Variants in TRIM11 observed in about 807,000 individuals in gnomAD.
TRIM11 encodes E3 ubiquitin-protein ligase TRIM11.
A neutral mutation model predicts 33.4 loss-of-function variants in TRIM11; 15 were observed. The ratio of observed to expected loss-of-function variants is 0.45; its 90% CI spans 0.30 to 0.69. The LOEUF (loss-of-function observed/expected upper bound fraction) is 0.69. Ranked by LOEUF, TRIM11 falls within the 30% of genes least tolerant of loss-of-function variation. The pLI, the probability that TRIM11 is intolerant of heterozygous loss-of-function variation, is 0.08. For missense variants in TRIM11, 499 were observed against 667.6 expected (o/e 0.75, Z 2.78); for synonymous variants, 281 against 302.6 (o/e 0.93, Z 0.74).
At chr1:228,402,326 G>T in intron 1 of TRIM11, 165 bp from the exon 2 acceptor site, 1 of 533,336 alleles carries the variant, frequency 1.9e-6, no homozygotes, top group East Asian at 3.4e-5. Context: ...AGCCCTCATG[G>T]TAGGTGGGCA....
In TRIM11 at chr1:228,395,173, G is replaced by C. The variant is rs772673498; in HGVS notation, c.939C>G (p.Asp313Glu). ...GGCTGTCCGGCAGGGCCTGCCGTAG[G>C]TCCCCCCGCTGCACGCTCCGCCTGT... ...SEDRRSVQRG[D>E]LRQALPDSPE... Residue 313 changes from aspartate to glutamate, a missense_variant, in exon 6 of 6, where the codon GAC becomes GAG. By Grantham distance (45) the Asp-to-Glu change is conservative. Transcript: ENST00000284551. The surrounding 1 kb of genome is among the most constrained non-coding windows in gnomAD (Gnocchi z 4.8). 6.6e-7 allele frequency: 1 copy of C among 1,521,780 alleles called. No homozygotes were observed. The highest frequency in any genetic ancestry group is 8.8e-7 in the Non-Finnish European group (1 of 1,141,422). 94.3% of individuals were successfully genotyped at this position (1,521,780 alleles called of 1,614,324 possible). A position where few individuals can be genotyped will look rare whatever the true frequency, so the allele number is the denominator to read the frequency against.
At chr1:228,399,879 C>CA (rs55896989) in intron 3 of TRIM11, among the ~76,000 whole-genome samples, 98,999 of 115,712 alleles carry the variant, frequency 0.86, 42,886 homozygotes, top group South Asian at 0.97. Context: ...CTTAAATCTA[C>CA]AAAAAAAAAA....
chr1:228,394,904 C>A lies in TRIM11; in HGVS notation c.1208G>T (p.Arg403Leu), dbSNP rs765073440. ...CTCGTAGTCCAGAAAGATCCCCACG[C>A]GCCTGGGTGGGTCCCGGAGTGGAGC... The part of the protein sequence containing the change: ...ALAPLRDPPR[R>L]VGIFLDYEAG... Residue 403 changes from arginine to leucine, a missense_variant, in exon 6 of 6, where the codon CGC becomes CTC. Transcript: ENST00000284551. The surrounding 1 kb of genome is among the most constrained non-coding windows in gnomAD (Gnocchi z 6.2). 1 of 1,614,162 alleles carries A rather than the reference C, an allele frequency of 6.2e-7. No homozygotes were observed. Among genetic ancestry groups the A allele is most frequent in the East Asian group, 2.2e-5 (1 of 44,868 alleles).
Position 228,393,831 on chromosome 1 carries a change from A to G in TRIM11, c.*874T>C, listed in dbSNP as rs2074954153. 1 of 152,292 alleles carries G rather than the reference A, an allele frequency of 6.6e-6. No individual in the cohort carries two copies. The highest frequency in any genetic ancestry group is 1.5e-5 in the Non-Finnish European group (1 of 68,076). 9.4% of individuals were successfully genotyped at this position (152,292 alleles called of 1,614,324 possible). The stretch of plus-strand genomic sequence containing the variant: ...CTTCTTCTGTATGCCCCAGGCTCTG[A>G]GAAGCCACTGTTCCTCCCCAGGGTA... On this transcript the variant is annotated 3_prime_UTR_variant, in exon 6 of 6. Coordinates refer to ENST00000284551, the MANE Select transcript of TRIM11 (RefSeq NM_145214.3).
Position 228,401,321 on chromosome 1 carries a change from A to C in TRIM11, c.505-127T>G. Reference sequence around the variant, plus strand: ...CAACCCCACCCCCGGGGCCTGCTAAAGCCAAAGCACAGCACCAGGTGTGGC... The same window carrying C: ...CAACCCCACCCCCGGGGCCTGCTAACGCCAAAGCACAGCACCAGGTGTGGC... On this transcript the variant is annotated intron_variant, in intron 2 of 5. Coordinates refer to ENST00000284551, the MANE Select transcript of TRIM11 (RefSeq NM_145214.3). The surrounding 1 kb of genome is among the most constrained non-coding windows in gnomAD (Gnocchi z 6.1). 2 of 1,205,736 alleles carry C rather than the reference A, an allele frequency of 1.7e-6. No homozygotes were observed. Among genetic ancestry groups the C allele is most frequent in the East Asian group, 2.6e-5 (1 of 38,814 alleles). The allele number at this position is 1,205,736 out of a possible 1,614,324, so 74.7% of individuals were successfully genotyped here.
At chr1:228,405,972 G>A in intron 1 of TRIM11, 182 bp downstream of exon 1, 3 of 617,778 alleles carry the variant, frequency 4.9e-6, no homozygotes, top group South Asian at 4.7e-5. Flanking sequence ...TGTGTCATGA[G>A]CCCCCACAGC....
intron 1 of TRIM11, chr1:228,402,519 G>A: frequency 5.4e-6 from 1 of 185,062 alleles, no homozygotes; most frequent in Non-Finnish European, 1.1e-5. Flanking sequence ...GAGCTCTCCT[G>A]TTCCCAAGCC....
Position 228,406,740 on chromosome 1 carries a change from C to T in TRIM11, c.-179G>A. The T allele has an allele frequency of 2.0e-6, 1 of 491,008 alleles. No homozygotes were observed. The allele number at this position is 491,008 out of a possible 1,614,324, so 30.4% of individuals were successfully genotyped here. A position where few individuals can be genotyped will look rare whatever the true frequency, so the allele number is the denominator to read the frequency against. On this transcript the variant is annotated 5_prime_UTR_variant, in exon 1 of 6. Transcript: ENST00000284551. This position sits in a 1 kb window ranked among gnomAD's most constrained non-coding sequence, Gnocchi z 8.2. ...GGCGCGGGGACTCCAGGGCGCAGGACTCTGGGTTTCGGTAGCGCTGGGCGC... is the reference window on the plus strand; with the variant it reads ...GGCGCGGGGACTCCAGGGCGCAGGATTCTGGGTTTCGGTAGCGCTGGGCGC...
In TRIM11 at chr1:228,401,071, G is replaced by C; in HGVS notation, c.628C>G (p.Arg210Gly). The change falls in exon 3 of 6, where the codon CGG becomes GGG. Residue 210 changes from arginine (R) to glycine (G), a missense_variant. Arg to Gly is a moderately radical substitution (Grantham distance 125). Transcript: ENST00000284551. This position sits in a 1 kb window ranked among gnomAD's most constrained non-coding sequence, Gnocchi z 6.1. ...AGGTGGGCTGCGCCCTCCCGCAGCC[G>C]GGGCAGCACCTCCAGCTCCTCCTCC... ...LEEEELEVLPRLREGAAHLGQ... is the reference protein window; with the variant it reads ...LEEEELEVLPGLREGAAHLGQ... 6.2e-7 allele frequency: 1 copy of C among 1,613,094 alleles called. No homozygotes were observed. Among genetic ancestry groups the C allele is most frequent in the Non-Finnish European group, 8.5e-7 (1 of 1,179,800 alleles).
At position 228,394,389 on chromosome 1, in the gene TRIM11, T is replaced by G; in HGVS notation, c.*316A>C. 3 of 368,510 alleles carry G rather than the reference T, an allele frequency of 8.1e-6. No homozygotes were observed. Among genetic ancestry groups the G allele is most frequent in the Non-Finnish European group, 1.5e-5 (3 of 205,002 alleles). The allele number at this position is 368,510 out of a possible 1,614,324, so 22.8% of individuals were successfully genotyped here. A position where few individuals can be genotyped will look rare whatever the true frequency, so the allele number is the denominator to read the frequency against. ...CTGGATTCTGCAAGCCCCAGTGGAG[T>G]TTTCTCAGCTTCTGGAACCACAGGC... is the stretch of plus-strand genomic sequence containing the variant. On this transcript the variant is annotated 3_prime_UTR_variant, in exon 6 of 6. Coordinates refer to ENST00000284551, the MANE Select transcript of TRIM11 (RefSeq NM_145214.3). This position sits in a 1 kb window ranked among gnomAD's most constrained non-coding sequence, Gnocchi z 6.2.
Position 228,406,075 on chromosome 1 carries a change from C to G in TRIM11, c.408+79G>C. 7.7e-7 allele frequency: 1 copy of G among 1,301,072 alleles called. No individual in the cohort carries two copies. The highest frequency in any genetic ancestry group is 1.6e-5 in the African/African-American group (1 of 63,720). 80.6% of individuals were successfully genotyped at this position (1,301,072 alleles called of 1,614,324 possible). ...AGACAGATTACTCCCGGAGCAGTCC[C>G]CCAAACCTCCCACCCGCCCAGGCCT... On this transcript the variant is annotated intron_variant, in intron 1 of 5. Coordinates refer to ENST00000284551, the MANE Select transcript of TRIM11 (RefSeq NM_145214.3). The surrounding 1 kb of genome is among the most constrained non-coding windows in gnomAD (Gnocchi z 8.2).
At chr1:228,396,875 G>A (rs778395307) in intron 5 of TRIM11, 72 bp downstream of exon 5, 16 of 1,433,828 alleles carry the variant, frequency 1.1e-5, no homozygotes, top group Middle Eastern at 3.5e-4. Flanking sequence ...CACAGAACAC[G>A]TGGCTGGCTG....
chr1:228,394,373 G>A lies in TRIM11; in HGVS notation c.*332C>T, dbSNP rs2074958275. 8.8e-6 allele frequency: 3 copies of A among 341,072 alleles called. No individual in the cohort carries two copies. The highest frequency in any genetic ancestry group is 1.6e-5 in the Non-Finnish European group (3 of 187,654). 21.1% of individuals were successfully genotyped at this position (341,072 alleles called of 1,614,324 possible). A position where few individuals can be genotyped will look rare whatever the true frequency, so the allele number is the denominator to read the frequency against. On this transcript the variant is annotated 3_prime_UTR_variant, in exon 6 of 6. Coordinates refer to ENST00000284551, the MANE Select transcript of TRIM11 (RefSeq NM_145214.3). The surrounding 1 kb of genome is among the most constrained non-coding windows in gnomAD (Gnocchi z 6.2). ...GCAGCTTAGGTGAACCCTGGATTCT[G>A]CAAGCCCCAGTGGAGTTTTCTCAGC...
chr1:228,394,448 G>A lies in TRIM11; in HGVS notation c.*257C>T, dbSNP rs763087475. 5.6e-5 allele frequency: 28 copies of A among 496,638 alleles called. No individual in the cohort carries two copies. The highest frequency in any genetic ancestry group is 8.8e-5 in the Non-Finnish European group (25 of 284,170). 30.8% of individuals were successfully genotyped at this position (496,638 alleles called of 1,614,324 possible). ...CCGGGGCAATGGGGCTCCCAGCTTT[G>A]GTAAGGGCTGTTGGCATTAAGTGGC... On this transcript the variant is annotated 3_prime_UTR_variant, in exon 6 of 6. Transcript: ENST00000284551. The surrounding 1 kb of genome is among the most constrained non-coding windows in gnomAD (Gnocchi z 6.2).
chr1:228,395,218 A>G lies in TRIM11; in HGVS notation c.894T>C (p.Pro298=). The change falls in exon 6 of 6, where the codon CCT becomes CCC. Residue 298 remains proline (P), a synonymous_variant. Transcript: ENST00000284551. This position sits in a 1 kb window ranked among gnomAD's most constrained non-coding sequence, Gnocchi z 4.8. ...GCCTGTCTTCAGACAGGATCAGCTC[A>G]GGGTTGGCGGTGTCCGGGTCCAAGG... ...DVTLDPDTAN[P]ELILSEDRRS... The G allele has an allele frequency of 6.7e-7, 1 of 1,485,566 alleles. No homozygotes were observed. Among genetic ancestry groups the G allele is most frequent in the Non-Finnish European group, 8.9e-7 (1 of 1,123,794 alleles). The allele number at this position is 1,485,566 out of a possible 1,614,324, so 92.0% of individuals were successfully genotyped here. A position where few individuals can be genotyped will look rare whatever the true frequency, so the allele number is the denominator to read the frequency against.
rs1478183373 is a variant in TRIM11, at chr1:228,395,666, C to T, written c.860-414G>A. The T allele has an allele frequency of 2.8e-4, 45 of 163,246 alleles. 1 individual carries two copies. Among genetic ancestry groups the T allele is most frequent in the African/African-American group, 7.2e-5 (3 of 41,840 alleles). 10.1% of individuals were successfully genotyped at this position (163,246 alleles called of 1,614,324 possible). On this transcript the variant is annotated intron_variant, in intron 5 of 5. Transcript: ENST00000284551. The surrounding 1 kb of genome is among the most constrained non-coding windows in gnomAD (Gnocchi z 4.8). ...CCTCCCAAGCTGCTGGGATTACAGGCGTGTGCCACCATGGCTGGCTCATTT... is the reference window on the plus strand; with the variant it reads ...CCTCCCAAGCTGCTGGGATTACAGGTGTGTGCCACCATGGCTGGCTCATTT...
At position 228,400,827 on chromosome 1, in the gene TRIM11, C is replaced by A. The variant is rs936494388; in HGVS notation, c.735+137G>T. Reference sequence around the variant, plus strand: ...CAGCATTTCACAGGCAACAGCCAGGCACATCCAGCCATGCCATTCACCTCT... The same window carrying A: ...CAGCATTTCACAGGCAACAGCCAGGAACATCCAGCCATGCCATTCACCTCT... On this transcript the variant is annotated intron_variant, in intron 3 of 5. Coordinates refer to ENST00000284551, the MANE Select transcript of TRIM11 (RefSeq NM_145214.3). This position sits in a 1 kb window ranked among gnomAD's most constrained non-coding sequence, Gnocchi z 4.5. 7 of 1,408,658 alleles carry A rather than the reference C, an allele frequency of 5.0e-6. No homozygotes were observed. Among genetic ancestry groups the A allele is most frequent in the Non-Finnish European group, 6.5e-6 (7 of 1,081,500 alleles). 87.3% of individuals were successfully genotyped at this position (1,408,658 alleles called of 1,614,324 possible).
At position 228,402,049 on chromosome 1, in the gene TRIM11, G is replaced by A. The variant is rs1437461910; in HGVS notation, c.504+17C>T. The A allele has an allele frequency of 1.2e-6, 2 of 1,607,462 alleles. No homozygotes were observed. Among genetic ancestry groups the A allele is most frequent in the Admixed American group, 1.7e-5 (1 of 59,586 alleles). On this transcript the variant is annotated intron_variant, in intron 2 of 5. Transcript: ENST00000284551. ...CCCTACCCTGCCACCCAGGACCCTGGGAGCCCCAGCACCTGCCTGCCACAA... is the reference window on the plus strand; with the variant it reads ...CCCTACCCTGCCACCCAGGACCCTGAGAGCCCCAGCACCTGCCTGCCACAA...
Position 228,406,491 on chromosome 1 carries a change from G to A in TRIM11, c.71C>T (p.Thr24Met), listed in dbSNP as rs1397340250. 1.3e-6 allele frequency: 2 copies of A among 1,588,132 alleles called. No homozygotes were observed. Among genetic ancestry groups the A allele is most frequent in the Non-Finnish European group, 1.7e-6 (2 of 1,170,052 alleles). The stretch of plus-strand genomic sequence containing the variant: ...GCCGCAGTCGGTCATCACCGGATCC[G>A]TGAAGTAGTCGAGGCAGATGGCGCA... ...ATCAICLDYF[T>M]DPVMTDCGHN... is the part of the protein sequence containing the mutation. The change falls in exon 1 of 6, where the codon ACG becomes ATG. Residue 24 changes from threonine (T) to methionine (M), a missense_variant. Thr to Met is a moderately conservative substitution (Grantham distance 81, BLOSUM62 -1). Transcript: ENST00000284551. The surrounding 1 kb of genome is among the most constrained non-coding windows in gnomAD (Gnocchi z 8.2).
Sources: allele counts gnomAD v4.1 joint callset (sites outside exome capture counted in the v4.1 genomes callset), GRCh38; gene constraint gnomAD v4.1.1; non-coding constraint Gnocchi (gnomAD v3.1); transcripts MANE v1.5; gene names NCBI Gene and HGNC (gene_info 2026-07-23, HGNC 2026-07-21).